Variants in FIGN observed in about 807,000 individuals in gnomAD.
FIGN encodes the protein fidgetin.
FIGN carries 11 observed loss-of-function variants against 51.3 expected under a neutral mutation model. The ratio of observed to expected loss-of-function variants is 0.21; its 90% CI spans 0.13 to 0.35. The LOEUF is 0.35. FIGN is among the 10% of genes least tolerant of loss of function. The pLI, the probability that FIGN is intolerant of heterozygous loss-of-function variation, is 1.00. For missense variants in FIGN, 857 were observed against 943.6 expected, an observed-to-expected ratio of 0.91 and a Z score of 1.20; for synonymous variants, 407 against 363.2, an observed-to-expected ratio of 1.12 and a Z score of -1.37.
intron 2 of FIGN, among the ~76,000 whole-genome samples, chr2:163,614,143 C>A (rs560330668): frequency 5.3e-5 from 8 of 152,182 alleles, no homozygotes; most frequent in African/African-American, 1.7e-4. Context: ...AGGATGAGTT[C>A]CAGGGAGAAC....
At position 163,610,434 on chromosome 2, in the gene FIGN, C is replaced by A. The variant is rs554512883; in HGVS notation, c.1398G>T (p.Thr466=). 15 of 1,613,966 alleles carry A rather than the reference C, an allele frequency of 9.3e-6. No homozygotes were observed. Among genetic ancestry groups the A allele is most frequent in the Admixed American group, 1.7e-5 (1 of 59,996 alleles). The change falls in exon 3 of 3, where the codon ACG becomes ACT. Residue 466 remains threonine, a synonymous_variant. Coordinates refer to ENST00000333129, the MANE Select transcript of FIGN (RefSeq NM_018086.4). ...CATTGGTTACCAGGTCGATGAGGTG[C>A]GTGTCAGTATTCTTCAGTTGCTCGT... ...SVDEQLKNTD[T]HLIDLVTNEI...
At chr2:163,662,757 C>T (rs1683709775) in intron 2 of FIGN, among the ~76,000 whole-genome samples, 1 of 152,214 alleles carries the variant, frequency 6.6e-6, no homozygotes, top group African/African-American at 2.4e-5. Flanking sequence ...CAGAATTCCC[C>T]CTGTTGTCAG....
chr2:163,657,378 C>G (rs1477982164), intron 2 of FIGN, among the ~76,000 whole-genome samples: 1 of 152,058 alleles, frequency 6.6e-6, no homozygotes, highest in African/African-American at 2.4e-5. Flanking sequence ...GCCTGAAAAC[C>G]TACGCATTGA....
At chr2:163,622,261 G>A (rs904613358) in intron 2 of FIGN, among the ~76,000 whole-genome samples, 4 of 152,038 alleles carry the variant, frequency 2.6e-5, no homozygotes, top group Non-Finnish European at 5.9e-5. Context: ...CTTGAACTGG[G>A]GAGATGATGG....
At chr2:163,734,041 T>C (rs550610233) in intron 2 of FIGN, among the ~76,000 whole-genome samples, 52 of 152,022 alleles carry the variant, frequency 3.4e-4, no homozygotes, top group Non-Finnish European at 6.2e-4. Flanking sequence ...TCTGTCTTAA[T>C]TGAATATTAC....
chr2:163,634,848 CTGTT>C (rs753890214), intron 2 of FIGN, among the ~76,000 whole-genome samples: 12 of 152,134 alleles, frequency 7.9e-5, no homozygotes, highest in South Asian at 2.1e-4. Flanking sequence ...TGTTTGAAAA[CTGTT>C]TGTTTATGTG....
At chr2:163,630,840 T>C (rs1484581991) in intron 2 of FIGN, among the ~76,000 whole-genome samples, 1 of 152,166 alleles carries the variant, frequency 6.6e-6, no homozygotes, top group African/African-American at 2.4e-5. Flanking sequence ...AAAAATCCCA[T>C]TTCATTTAGA....
chr2:163,689,923 A>G (rs147504556), intron 2 of FIGN, among the ~76,000 whole-genome samples: 2 of 152,182 alleles, frequency 1.3e-5, no homozygotes, highest in East Asian at 3.9e-4. Context: ...GTGTAACTAG[A>G]ATACTTGTAC....
chr2:163,679,608 T>C (rs1466838546), intron 2 of FIGN, among the ~76,000 whole-genome samples: 1 of 152,222 alleles, frequency 6.6e-6, no homozygotes, highest in Non-Finnish European at 1.5e-5. Context: ...CCATCTTCTT[T>C]CTATAATAGT....
chr2:163,727,751 T>G (rs578260535), intron 2 of FIGN, among the ~76,000 whole-genome samples: 1 of 152,274 alleles, frequency 6.6e-6, no homozygotes, highest in South Asian at 2.1e-4. Context: ...AAATAAATGG[T>G]GCAACTTCAA....
intron 2 of FIGN, among the ~76,000 whole-genome samples, chr2:163,636,451 A>C (rs1436483985): frequency 1.3e-5 from 2 of 151,880 alleles, no homozygotes; most frequent in African/African-American, 4.8e-5. Context: ...AAGCCCAGCT[A>C]ATCTTGTATT....
rs777365899 is a variant in FIGN, at chr2:163,610,343, C to T, written c.1489G>A (p.Val497Ile). The change falls in exon 3 of 3, where the codon GTC becomes ATC. Residue 497 changes from valine to isoleucine, a missense_variant. Physicochemically the swap from Val to Ile is conservative, Grantham distance 29. Coordinates refer to ENST00000333129, the MANE Select transcript of FIGN (RefSeq NM_018086.4). ...DIAGLDLVKA[V>I]IKEEVLWPVL... The stretch of plus-strand genomic sequence containing the variant: ...GGCCATAAAACCTCCTCTTTAATGA[C>T]AGCCTTCACCAGGTCGAGACCAGCA... 1 of 1,614,168 alleles carries T rather than the reference C, an allele frequency of 6.2e-7. No individual in the cohort carries two copies. Among genetic ancestry groups the T allele is most frequent in the East Asian group, 2.2e-5 (1 of 44,868 alleles).
chr2:163,710,293 A>G (rs759364831), intron 2 of FIGN, among the ~76,000 whole-genome samples: 19 of 152,206 alleles, frequency 1.2e-4, no homozygotes, highest in Admixed American at 3.9e-4. Context: ...ATCCTTAGAA[A>G]AAAATACAAA....
intron 2 of FIGN, among the ~76,000 whole-genome samples, chr2:163,678,325 A>T (rs1331717175): frequency 6.6e-6 from 1 of 151,878 alleles, no homozygotes; most frequent in Non-Finnish European, 1.5e-5. Context: ...CGTTCAACTG[A>T]TTCTCCCGCC....
chr2:163,724,847 C>T (rs574799717), intron 2 of FIGN, among the ~76,000 whole-genome samples: 7 of 151,946 alleles, frequency 4.6e-5, no homozygotes, highest in African/African-American at 1.2e-4. Flanking sequence ...ATTATGGGGA[C>T]GAAAAGATAC....
intron 2 of FIGN, among the ~76,000 whole-genome samples, chr2:163,676,124 G>A (rs1026291696): frequency 1.3e-5 from 2 of 151,504 alleles, no homozygotes; most frequent in East Asian, 1.9e-4. Flanking sequence ...GTCTGAATCC[G>A]TAAATAAGGC....
intron 2 of FIGN, among the ~76,000 whole-genome samples, chr2:163,728,140 A>G (rs900763391): frequency 1.3e-5 from 2 of 152,118 alleles, no homozygotes; most frequent in Non-Finnish European, 2.9e-5. Flanking sequence ...CAATACTGAC[A>G]CTATTATAAC....
At chr2:163,723,623 C>A (rs1324019760) in intron 2 of FIGN, among the ~76,000 whole-genome samples, 1 of 152,106 alleles carries the variant, frequency 6.6e-6, no homozygotes, top group African/African-American at 2.4e-5. Context: ...AGAAGGTGGA[C>A]AAAGACTAGT....
rs1296598887 is a variant in FIGN, at chr2:163,610,543, T to C, written c.1289A>G (p.His430Arg). ...GAGGAGCTGCCTGTGCTCGTCCCCATGCTCACTCATTACTGGCGATGTGTA... is the reference window on the plus strand; with the variant it reads ...GAGGAGCTGCCTGTGCTCGTCCCCACGCTCACTCATTACTGGCGATGTGTA... ...GKYTSPVMSE[H>R]GDEHRQLLSH... The change falls in exon 3 of 3, where the codon CAT becomes CGT. Residue 430 changes from histidine to arginine, a missense_variant. By Grantham distance (29) the His-to-Arg change is conservative. Coordinates refer to ENST00000333129, the MANE Select transcript of FIGN (RefSeq NM_018086.4). 6.2e-7 allele frequency: 1 copy of C among 1,614,172 alleles called. No homozygotes were observed.
Sources: allele counts gnomAD v4.1 joint callset (sites outside exome capture counted in the v4.1 genomes callset), GRCh38; gene constraint gnomAD v4.1.1; transcripts MANE v1.5; gene names NCBI Gene and HGNC (gene_info 2026-07-23, HGNC 2026-07-21).